Variants in CD68 observed in about 807,000 individuals in gnomAD.
CD68 encodes macrosialin.
A neutral mutation model predicts 31.3 loss-of-function variants in CD68; 24 were observed. The ratio of observed to expected loss-of-function variants is 0.77; its 90% CI spans 0.55 to 1.08. The LOEUF (loss-of-function observed/expected upper bound fraction) is 1.08, where lower values mean the gene tolerates loss of function less well. Among genes scored for constraint, CD68 ranks in the 50% least tolerant of loss-of-function variants. CD68 has a pLI of 0.00. For synonymous variants in CD68, 190 were observed against 179.6 expected (o/e 1.06, Z -0.46); for missense variants, 461 against 442.5 (o/e 1.04, Z -0.38).
Position 7,580,449 on chromosome 17 carries a change from GTCTT to G in CD68, c.568-15_568-12del. ...TCGCATGCAGTCTTGTGACCTTCCA[GTCTT>G]TAACTTCCGCAGGCCTGGGGCATCT... On this transcript the variant is annotated splice_polypyrimidine_tract_variant and intron_variant, in intron 2 of 5. Coordinates refer to ENST00000250092, the MANE Select transcript of CD68 (RefSeq NM_001251.3). This position sits in a 1 kb window ranked among gnomAD's most constrained non-coding sequence, Gnocchi z 4.3. 6.2e-7 allele frequency: 1 copy of G among 1,613,986 alleles called. No individual in the cohort carries two copies. Among genetic ancestry groups the G allele is most frequent in the Non-Finnish European group, 8.5e-7 (1 of 1,179,952 alleles).
rs761088797 is a variant in CD68, at chr17:7,580,829, G to C, written c.760+46G>C. 5.0e-6 allele frequency: 8 copies of C among 1,613,744 alleles called. No individual in the cohort carries two copies. The highest frequency in any genetic ancestry group is 1.1e-5 in the South Asian group (1 of 91,082). ...TCTCATTGCTACCACTAGACGCCAG[G>C]GTTCCTGAAAGGACTAAGCTGGGGC... On this transcript the variant is annotated intron_variant, in intron 4 of 5. Transcript: ENST00000250092. This position sits in a 1 kb window ranked among gnomAD's most constrained non-coding sequence, Gnocchi z 4.3.
rs1188326918 is a variant in CD68, at chr17:7,581,049, C to T, written c.914C>T (p.Thr305Ile). The T allele has an allele frequency of 6.2e-7, 1 of 1,613,908 alleles. No individual in the cohort carries two copies. Among genetic ancestry groups the T allele is most frequent in the Non-Finnish European group, 8.5e-7 (1 of 1,179,924 alleles). The change falls in exon 5 of 6, where the codon ACA becomes ATA. Residue 305 changes from threonine to isoleucine, a missense_variant. Coordinates refer to ENST00000250092, the MANE Select transcript of CD68 (RefSeq NM_001251.3). ...LRLQAAQLPH[T>I]GVFGQSFSCP... ...CTCCAGGCTGCTCAGCTGCCCCACA[C>T]AGGGGTCTTTGGGCAAAGTAAGACC...
At chr17:7,579,789 C>T (rs373079127) in intron 1 of CD68, 21 bp from the exon 2 acceptor site, 2 of 1,608,064 alleles carry the variant, frequency 1.2e-6, no homozygotes, top group Non-Finnish European at 1.7e-6. Context: ...GGGTTGCTAA[C>T]CATCTCCTCT....
rs1160258418 is a variant in CD68, at chr17:7,581,739, T to C, written c.*228T>C. ...GAGTTTGAGACCAGCCTGGCCAACA[T>C]GGTGAAACCCTGTCTCTACTAAAAA... On this transcript the variant is annotated 3_prime_UTR_variant, in exon 6 of 6. Coordinates refer to ENST00000250092, the MANE Select transcript of CD68 (RefSeq NM_001251.3). The C allele has an allele frequency of 2.0e-6, 1 of 491,404 alleles. No homozygotes were observed. The highest frequency in any genetic ancestry group is 2.1e-5 in the South Asian group (1 of 46,728). The allele number at this position is 491,404 out of a possible 1,614,324, so 30.4% of individuals were successfully genotyped here. A position where few individuals can be genotyped will look rare whatever the true frequency, so the allele number is the denominator to read the frequency against.
intron 5 of CD68, 155 bp downstream of exon 5, chr17:7,581,221 C>A (rs112617525): frequency 1.7e-6 from 2 of 1,167,388 alleles, no homozygotes; most frequent in African/African-American, 1.5e-5. Flanking sequence ...CCATCCTCTA[C>A]AAGACTCTGC....
chr17:7,581,794 C>T lies in CD68; in HGVS notation c.*283C>T, dbSNP rs1332360784. 2.8e-6 allele frequency: 1 copy of T among 356,348 alleles called. No homozygotes were observed. The highest frequency in any genetic ancestry group is 2.6e-5 in the South Asian group (1 of 38,532). The allele number at this position is 356,348 out of a possible 1,614,324, so 22.1% of individuals were successfully genotyped here. A position where few individuals can be genotyped will look rare whatever the true frequency, so the allele number is the denominator to read the frequency against. ...ATTAGCCAGGTGTGGCGGCGTAATCCCAGCTGGCCTGTAATCCCAGCTACT... is the reference window on the plus strand; with the variant it reads ...ATTAGCCAGGTGTGGCGGCGTAATCTCAGCTGGCCTGTAATCCCAGCTACT... On this transcript the variant is annotated 3_prime_UTR_variant, in exon 6 of 6. Coordinates refer to ENST00000250092, the MANE Select transcript of CD68 (RefSeq NM_001251.3).
rs138992517 is a variant in CD68, at chr17:7,580,722, G to A, written c.699G>A (p.Gln233=). The A allele has an allele frequency of 5.6e-6, 9 of 1,613,804 alleles. No individual in the cohort carries two copies. The African/African-American group carries it at 9.3e-5, about 17-fold the overall frequency. Reference sequence around the variant, plus strand: ...TCTTCGCCCCACAGGACCTCCAGCAGAAGGTTGTCTACCTGAGCTACATGG... The same window carrying A: ...TCTTCGCCCCACAGGACCTCCAGCAAAAGGTTGTCTACCTGAGCTACATGG... ...LSFGFMQDLQ[Q]KVVYLSYMAV... is the part of the protein sequence containing the mutation. The change falls in exon 4 of 6, where the codon CAG becomes CAA. Residue 233 remains glutamine (Q), a synonymous_variant. Coordinates refer to ENST00000250092, the MANE Select transcript of CD68 (RefSeq NM_001251.3). This position sits in a 1 kb window ranked among gnomAD's most constrained non-coding sequence, Gnocchi z 4.3.
At position 7,580,594 on chromosome 17, in the gene CD68, A is replaced by G. The variant is rs769379284; in HGVS notation, c.687+9A>G. The G allele has an allele frequency of 1.1e-5, 17 of 1,613,740 alleles. No individual in the cohort carries two copies. Among genetic ancestry groups the G allele is most frequent in the Non-Finnish European group, 1.4e-5 (17 of 1,179,960 alleles). ...GCTTTGGATTCATGCAGGTATAGCC[A>G]TGACCTCAGTCTCACCCCTCACTCA... On this transcript the variant is annotated intron_variant, in intron 3 of 5. Coordinates refer to ENST00000250092, the MANE Select transcript of CD68 (RefSeq NM_001251.3). This position sits in a 1 kb window ranked among gnomAD's most constrained non-coding sequence, Gnocchi z 4.3.
chr17:7,579,658 T>C lies in CD68; in HGVS notation c.-20T>C. On this transcript the variant is annotated 5_prime_UTR_variant, in exon 1 of 6. Coordinates refer to ENST00000250092, the MANE Select transcript of CD68 (RefSeq NM_001251.3). ...CTGGTGCAGACAGCCTAGCTGGACT[T>C]TGGGTGAGGCGGTTCAGCCATGAGG... The C allele has an allele frequency of 6.2e-7, 1 of 1,600,916 alleles. No homozygotes were observed. Among genetic ancestry groups the C allele is most frequent in the Non-Finnish European group, 8.5e-7 (1 of 1,174,672 alleles).
In CD68 at chr17:7,580,908, C is replaced by A. The variant is rs779654567; in HGVS notation, c.773C>A (p.Ser258Ter). 6.2e-7 allele frequency: 1 copy of A among 1,613,968 alleles called. No individual in the cohort carries two copies. Among genetic ancestry groups the A allele is most frequent in the Non-Finnish European group, 8.5e-7 (1 of 1,179,960 alleles). ...SFPHAAQWTF[S>*]AQNASLRDLQ... is the part of the protein sequence containing the mutation. ...CTCACTCCTCCAGAGTGGACATTCT[C>A]GGCTCAGAATGCATCCCTTCGAGAT... Residue 258 changes from serine to a stop codon, truncating the protein, a stop_gained, in exon 5 of 6, where the codon TCG (serine) becomes TAG (stop). Transcript: ENST00000250092. LOFTEE classifies it high-confidence loss of function. The surrounding 1 kb of genome is among the most constrained non-coding windows in gnomAD (Gnocchi z 4.3).
At position 7,581,550 on chromosome 17, in the gene CD68, G is replaced by T; in HGVS notation, c.*39G>T. 1 of 1,606,418 alleles carries T rather than the reference G, an allele frequency of 6.2e-7. No homozygotes were observed. ...ACCCCAGGGCACTGAGGGGGTTGGG[G>T]TGTGGTGGGGGGGTACCCTTATTTC... On this transcript the variant is annotated 3_prime_UTR_variant, in exon 6 of 6. Coordinates refer to ENST00000250092, the MANE Select transcript of CD68 (RefSeq NM_001251.3).
In CD68 at chr17:7,580,830, G is replaced by A. The variant is rs1452959211; in HGVS notation, c.760+47G>A. On this transcript the variant is annotated intron_variant, in intron 4 of 5. Coordinates refer to ENST00000250092, the MANE Select transcript of CD68 (RefSeq NM_001251.3). This position sits in a 1 kb window ranked among gnomAD's most constrained non-coding sequence, Gnocchi z 4.3. ...CTCATTGCTACCACTAGACGCCAGG[G>A]TTCCTGAAAGGACTAAGCTGGGGCC... is the stretch of plus-strand genomic sequence containing the variant. 2 of 1,613,580 alleles carry A rather than the reference G, an allele frequency of 1.2e-6. No homozygotes were observed. The highest frequency in any genetic ancestry group is 2.2e-5 in the South Asian group (2 of 91,076).
chr17:7,580,528 C>T lies in CD68; in HGVS notation c.630C>T (p.Ala210=). 6.2e-7 allele frequency: 1 copy of T among 1,614,004 alleles called. No homozygotes were observed. The highest frequency in any genetic ancestry group is 2.2e-5 in the East Asian group (1 of 44,876). ...KTKVQGSCEG[A]HPHLLLSFPY... is the part of the protein sequence containing the mutation. ...AGGTCCAGGGAAGCTGTGAGGGTGC[C>T]CATCCCCACCTGCTTCTCTCATTCC... is the stretch of plus-strand genomic sequence containing the variant. The change falls in exon 3 of 6, where the codon GCC becomes GCT. Residue 210 remains alanine, a synonymous_variant. Coordinates refer to ENST00000250092, the MANE Select transcript of CD68 (RefSeq NM_001251.3). This position sits in a 1 kb window ranked among gnomAD's most constrained non-coding sequence, Gnocchi z 4.3.
chr17:7,581,161 C>T (rs1323499025), intron 5 of CD68, 95 bp downstream of exon 5: 1 of 1,256,164 alleles, frequency 8.0e-7, no homozygotes, highest in Non-Finnish European at 1.1e-6. Flanking sequence ...CTTCTTAACC[C>T]CCCAAATCTC....
In CD68 at chr17:7,581,008, C is replaced by T; in HGVS notation, c.873C>T (p.Asp291=). 1.9e-6 allele frequency: 3 copies of T among 1,614,072 alleles called. No individual in the cohort carries two copies. Among genetic ancestry groups the T allele is most frequent in the Non-Finnish European group, 1.7e-6 (2 of 1,179,982 alleles). The part of the protein sequence containing the change: ...SIILSPAVHL[D]LLSLRLQAAQ... ...TTCTTTCACCAGCTGTCCACCTCGA[C>T]CTGCTCTCCCTGAGGCTCCAGGCTG... Residue 291 remains aspartate (D), a synonymous_variant, in exon 5 of 6, where the codon GAC becomes GAT. Transcript: ENST00000250092.
chr17:7,581,696 T>C lies in CD68; in HGVS notation c.*185T>C. The C allele has an allele frequency of 3.3e-6, 2 of 601,892 alleles. No individual in the cohort carries two copies. The highest frequency in any genetic ancestry group is 3.1e-5 in the East Asian group (1 of 32,636). 37.3% of individuals were successfully genotyped at this position (601,892 alleles called of 1,614,324 possible). On this transcript the variant is annotated 3_prime_UTR_variant, in exon 6 of 6. Transcript: ENST00000250092. ...CAGCACTTTGGGAGGCTGAGGCAGG[T>C]GGATCACTGGAGGTCAGGAGTTTGA...
rs755688837 is a variant in CD68, at chr17:7,580,689, C to T, written c.688-22C>T. 6 of 1,613,942 alleles carry T rather than the reference C, an allele frequency of 3.7e-6. No individual in the cohort carries two copies. The highest frequency in any genetic ancestry group is 5.1e-6 in the Non-Finnish European group (6 of 1,179,890). On this transcript the variant is annotated intron_variant, in intron 3 of 5. Transcript: ENST00000250092. This position sits in a 1 kb window ranked among gnomAD's most constrained non-coding sequence, Gnocchi z 4.3. ...CCTCTGTGGAGAGGGATACCACCTGCGCCTTCCTCTTCGCCCCACAGGACC... is the reference window on the plus strand; with the variant it reads ...CCTCTGTGGAGAGGGATACCACCTGTGCCTTCCTCTTCGCCCCACAGGACC...
chr17:7,580,053 C>G lies in CD68; in HGVS notation c.293C>G (p.Thr98Ser). The G allele has an allele frequency of 6.2e-7, 1 of 1,614,024 alleles. No homozygotes were observed. The highest frequency in any genetic ancestry group is 8.5e-7 in the Non-Finnish European group (1 of 1,179,956). Residue 98 changes from threonine to serine, a missense_variant, in exon 2 of 6, where the codon ACT (threonine) becomes AGT (serine). Physicochemically the swap from Thr to Ser is moderately conservative, Grantham distance 58 (BLOSUM62 1). Transcript: ENST00000250092. This position sits in a 1 kb window ranked among gnomAD's most constrained non-coding sequence, Gnocchi z 4.3. ...NVTVHPTSNS[T>S]ATSQGPSTAT... is the part of the protein sequence containing the mutation. ...ACAGTTCATCCAACAAGCAATAGCACTGCCACCAGCCAGGGACCCTCAACT... is the reference window on the plus strand; with the variant it reads ...ACAGTTCATCCAACAAGCAATAGCAGTGCCACCAGCCAGGGACCCTCAACT...
Position 7,580,708 on chromosome 17 carries a change from C to T in CD68, c.688-3C>T, listed in dbSNP as rs1196971951. ...CACCTGCGCCTTCCTCTTCGCCCCA[C>T]AGGACCTCCAGCAGAAGGTTGTCTA... is the stretch of plus-strand genomic sequence containing the variant. On this transcript the variant is annotated splice_polypyrimidine_tract_variant and splice_region_variant and intron_variant, in intron 3 of 5. Transcript: ENST00000250092. This position sits in a 1 kb window ranked among gnomAD's most constrained non-coding sequence, Gnocchi z 4.3. The T allele has an allele frequency of 6.2e-7, 1 of 1,613,964 alleles. No individual in the cohort carries two copies. The highest frequency in any genetic ancestry group is 8.5e-7 in the Non-Finnish European group (1 of 1,180,008).
Sources: allele counts gnomAD v4.1 joint callset, GRCh38; gene constraint gnomAD v4.1.1; non-coding constraint Gnocchi (gnomAD v3.1); transcripts MANE v1.5; gene names NCBI Gene and HGNC (gene_info 2026-07-23, HGNC 2026-07-21).